EIPR1: variants seen among roughly 807,000 people sequenced by gnomAD.
EIPR1 encodes the protein EARP and GARP complex-interacting protein 1.
In EIPR1, 25 loss-of-function variants were observed where a neutral mutation model predicts 48.1. The ratio of observed to expected loss-of-function variants is 0.52; its 90% CI spans 0.38 to 0.73. EIPR1 has a LOEUF of 0.73. EIPR1 is among the 30% of genes least tolerant of loss of function. The pLI is 0.00. For missense variants in EIPR1, 415 were observed against 506.2 expected (o/e 0.82, Z 1.73); for synonymous variants, 204 against 201.9 (o/e 1.01, Z -0.09).
chr2:3,207,374 C>G (rs1328111527), intron 5 of EIPR1, among the ~76,000 whole-genome samples: 1 of 152,250 alleles, frequency 6.6e-6, no homozygotes, highest in East Asian at 1.9e-4. Flanking sequence ...GCCTCCGGGC[C>G]TCCCCCGGCT....
At chr2:3,313,206 C>T (rs1005940936) in intron 3 of EIPR1, among the ~76,000 whole-genome samples, 1 of 152,180 alleles carries the variant, frequency 6.6e-6, no homozygotes, top group African/African-American at 2.4e-5. Context: ...GACACAAAGT[C>T]TCATGTGAGG....
intron 3 of EIPR1, among the ~76,000 whole-genome samples, chr2:3,316,772 C>G (rs1266799198): frequency 1.3e-5 from 2 of 152,232 alleles, no homozygotes; most frequent in Non-Finnish European, 2.9e-5. Context: ...AGCCAGGCCA[C>G]CAGGCTCCTT....
chr2:3,280,008 C>G (rs1163633967), intron 3 of EIPR1, among the ~76,000 whole-genome samples: 1 of 152,160 alleles, frequency 6.6e-6, no homozygotes, highest in Non-Finnish European at 1.5e-5. Flanking sequence ...ATAAATGTTA[C>G]TATTTATCTT....
At chr2:3,321,749 C>G (rs1460280804) in intron 3 of EIPR1, among the ~76,000 whole-genome samples, 3 of 152,136 alleles carry the variant, frequency 2.0e-5, no homozygotes, top group Non-Finnish European at 2.9e-5. Context: ...CTCCAGACCT[C>G]GAAGCTAAAA....
intron 2 of EIPR1, among the ~76,000 whole-genome samples, chr2:3,350,962 A>G (rs548602508): frequency 6.4e-4 from 95 of 147,568 alleles, no homozygotes; most frequent in Non-Finnish European, 1.1e-3. Context: ...AAAAAAAAAA[A>G]CAAATTAAGG....
intron 3 of EIPR1, among the ~76,000 whole-genome samples, chr2:3,328,708 C>G (rs375732179): frequency 1.6e-5 from 2 of 126,626 alleles, no homozygotes; most frequent in African/African-American, 3.2e-5. Flanking sequence ...CCACCCACCA[C>G]GCTCTAATGA....
chr2:3,373,703 AAACCACTGCTC>A (rs1395414913), intron 1 of EIPR1, among the ~76,000 whole-genome samples: 1 of 152,222 alleles, frequency 6.6e-6, no homozygotes, highest in Admixed American at 6.5e-5. Flanking sequence ...GGAGAACTAC[AAACCACTGCTC>A]AATGAAATAG....
intron 3 of EIPR1, among the ~76,000 whole-genome samples, chr2:3,309,037 C>T (rs963453596): frequency 6.6e-6 from 1 of 152,172 alleles, no homozygotes; most frequent in Non-Finnish European, 1.5e-5. Context: ...AGGCTTAGAA[C>T]TTCTGAAAGA....
intron 3 of EIPR1, among the ~76,000 whole-genome samples, chr2:3,277,188 G>A (rs950735898): frequency 3.3e-5 from 5 of 151,788 alleles, no homozygotes; most frequent in Admixed American, 6.6e-5. Flanking sequence ...CCACCCACGC[G>A]GCCCCACACC....
At chr2:3,356,167 T>C (rs905711176) in intron 1 of EIPR1, among the ~76,000 whole-genome samples, 5 of 152,182 alleles carry the variant, frequency 3.3e-5, no homozygotes, top group Non-Finnish European at 7.4e-5. Flanking sequence ...CGGGGTTTTA[T>C]ACCACCCAAC....
Position 3,295,019 on chromosome 2 carries a change from A to C in EIPR1, c.260-37564T>G, listed in dbSNP as rs1326138821. Reference sequence around the variant, plus strand: ...CACACACACCCTCCATCCAGCCCATACTCTCTGCACACATACACCCTCCAT... The same window carrying C: ...CACACACACCCTCCATCCAGCCCATCCTCTCTGCACACATACACCCTCCAT... On this transcript the variant is annotated intron_variant, in intron 3 of 8. Coordinates refer to ENST00000382125, the MANE Select transcript of EIPR1 (RefSeq NM_003310.5). Among the ~76,000 whole-genome samples the C allele has an allele frequency of 6.4e-3, 322 of 50,472 alleles. 3 individuals carry two copies. Among genetic ancestry groups the C allele is most frequent in the African/African-American group, 0.022 (271 of 12,340 alleles). 33.1% of individuals were successfully genotyped at this position (50,472 alleles called of 152,430 possible). A position where few individuals can be genotyped will look rare whatever the true frequency, so the allele number is the denominator to read the frequency against.
intron 2 of EIPR1, among the ~76,000 whole-genome samples, chr2:3,349,221 G>A (rs1670495122): frequency 6.6e-6 from 1 of 152,234 alleles, no homozygotes; most frequent in Non-Finnish European, 1.5e-5. Context: ...CCACGCACCA[G>A]CTCCACACTG....
At chr2:3,336,823 A>C (rs1670059892) in intron 3 of EIPR1, among the ~76,000 whole-genome samples, 1 of 149,974 alleles carries the variant, frequency 6.7e-6, no homozygotes, top group African/African-American at 2.5e-5. Context: ...AAAGAAAAGA[A>C]AAGGGAAGGG....
In EIPR1 at chr2:3,199,068, C is replaced by T. The variant is rs1349287960; in HGVS notation, c.517-2051G>A. ...GAGTGGCCATTTTAGAGGGCCCCCC[C>T]CCCGCCCCGGGAATGCATTCTTTTC... On this transcript the variant is annotated intron_variant, in intron 5 of 8. Transcript: ENST00000382125. Among the ~76,000 whole-genome samples the T allele has an allele frequency of 8.0e-4, 42 of 52,512 alleles. 12 individuals carry two copies. In the South Asian group the frequency reaches 0.022, roughly 28 times the overall value. 34.4% of individuals were successfully genotyped at this position (52,512 alleles called of 152,430 possible). A position where few individuals can be genotyped will look rare whatever the true frequency, so the allele number is the denominator to read the frequency against.
intron 3 of EIPR1, among the ~76,000 whole-genome samples, chr2:3,293,376 G>C (rs1212240491): frequency 1.3e-5 from 2 of 152,308 alleles, no homozygotes; most frequent in Non-Finnish European, 1.5e-5. Context: ...TGCTGCTATA[G>C]CCTGTGAGTC....
At chr2:3,369,061 T>C (rs1023636961) in intron 1 of EIPR1, among the ~76,000 whole-genome samples, 8 of 152,222 alleles carry the variant, frequency 5.3e-5, no homozygotes, top group African/African-American at 1.7e-4. Context: ...TTTTCAGTTT[T>C]CTTGTTTACT....
At chr2:3,289,087 G>A (rs1668292089) in intron 3 of EIPR1, among the ~76,000 whole-genome samples, 1 of 152,222 alleles carries the variant, frequency 6.6e-6, no homozygotes, top group African/African-American at 2.4e-5. Context: ...TTTCTTCCTA[G>A]GCAACAGAAC....
At chr2:3,374,600 A>G (rs1324487584) in intron 1 of EIPR1, among the ~76,000 whole-genome samples, 2 of 152,212 alleles carry the variant, frequency 1.3e-5, no homozygotes, top group Non-Finnish European at 2.9e-5. Context: ...AAAAGAAGAC[A>G]TTTATGCAGC....
Position 3,189,036 on chromosome 2 carries a change from C to T in EIPR1, c.*298G>A. 3.7e-6 allele frequency: 1 copy of T among 271,516 alleles called. No individual in the cohort carries two copies. The highest frequency in any genetic ancestry group is 6.4e-5 in the East Asian group (1 of 15,742). The allele number at this position is 271,516 out of a possible 1,614,324, so 16.8% of individuals were successfully genotyped here. On this transcript the variant is annotated 3_prime_UTR_variant, in exon 9 of 9. Transcript: ENST00000382125. The surrounding 1 kb of genome is among the most constrained non-coding windows in gnomAD (Gnocchi z 4.6). Reference sequence around the variant, plus strand: ...GAAAGAAGAGTTACTATTGCAGGAACAGACATTTTTTTAAAAAGCGAAACT... The same window carrying T: ...GAAAGAAGAGTTACTATTGCAGGAATAGACATTTTTTTAAAAAGCGAAACT...
Sources: gnomAD v4.1 joint callset for allele counts (sites outside exome capture counted in the v4.1 genomes callset) on GRCh38, gnomAD v4.1.1 for gene constraint, Gnocchi (gnomAD v3.1) non-coding constraint, MANE v1.5 for transcripts, NCBI Gene and HGNC (gene_info 2026-07-23, HGNC 2026-07-21) for gene names.